SLC16A10: variants seen among roughly 807,000 people sequenced by gnomAD.
SLC16A10 encodes the protein monocarboxylate transporter 10.
SLC16A10 carries 27 observed loss-of-function variants against 40.0 expected under a neutral mutation model. The ratio of observed to expected loss-of-function variants is 0.67; its 90% CI spans 0.50 to 0.93. The LOEUF (loss-of-function observed/expected upper bound fraction) is 0.93, where lower values mean the gene tolerates loss of function less well. Among genes scored for constraint, SLC16A10 ranks in the 40% least tolerant of loss-of-function variants. SLC16A10 has a pLI of 0.00. For synonymous variants in SLC16A10, 213 were observed against 249.8 expected (o/e 0.85, Z 1.39); for missense variants, 529 against 658.2 (o/e 0.80, Z 2.15).
intron 1 of SLC16A10, among the ~76,000 whole-genome samples, chr6:111,110,033 G>C (rs1030841208): frequency 6.6e-6 from 1 of 152,092 alleles, no homozygotes; most frequent in African/African-American, 2.4e-5. Context: ...ACTCTGGAGA[G>C]TTACAGGGCT....
At chr6:111,168,607 ATGT>A (rs1442948249) in intron 1 of SLC16A10, among the ~76,000 whole-genome samples, 3 of 152,180 alleles carry the variant, frequency 2.0e-5, no homozygotes, top group African/African-American at 4.8e-5. Context: ...AAAACTAGAA[ATGT>A]TGTGAGTGTG....
At chr6:111,219,150 T>A (rs990433339) in intron 5 of SLC16A10, 108 bp downstream of exon 5, 77 of 1,022,284 alleles carry the variant, frequency 7.5e-5, no homozygotes, top group Middle Eastern at 2.1e-4. Flanking sequence ...TATTGATTAC[T>A]GGTCTTTTGC....
chr6:111,132,486 T>A (rs1357437807), intron 1 of SLC16A10, among the ~76,000 whole-genome samples: 1 of 152,218 alleles, frequency 6.6e-6, no homozygotes, highest in Non-Finnish European at 1.5e-5. Flanking sequence ...AACACGTGGA[T>A]GGGCCAAAGG....
chr6:111,196,350 AT>A (rs1304465265), intron 3 of SLC16A10, among the ~76,000 whole-genome samples: 1 of 152,112 alleles, frequency 6.6e-6, no homozygotes, highest in Non-Finnish European at 1.5e-5. Flanking sequence ...AAAAATAAAA[AT>A]AAAAATAAAT....
At chr6:111,131,785 G>A (rs576860893) in intron 1 of SLC16A10, among the ~76,000 whole-genome samples, 2 of 152,162 alleles carry the variant, frequency 1.3e-5, no homozygotes, top group Admixed American at 1.3e-4. Flanking sequence ...TGAACTCCTG[G>A]TGTTAGCTGG....
At chr6:111,182,628 C>A (rs1330395401) in intron 3 of SLC16A10, among the ~76,000 whole-genome samples, 1 of 152,112 alleles carries the variant, frequency 6.6e-6, no homozygotes, top group Admixed American at 6.6e-5. Flanking sequence ...AGCTGTATAT[C>A]CAGCTGCTTA....
intron 3 of SLC16A10, among the ~76,000 whole-genome samples, chr6:111,182,325 T>C (rs1259257617): frequency 7.0e-6 from 1 of 143,148 alleles, no homozygotes; most frequent in African/African-American, 2.6e-5. Flanking sequence ...TTTTTTTTTT[T>C]TTTTTTTCCT....
chr6:111,122,601 ACTT>A (rs1262046003), intron 1 of SLC16A10, among the ~76,000 whole-genome samples: 2 of 152,088 alleles, frequency 1.3e-5, no homozygotes, highest in Non-Finnish European at 2.9e-5. Context: ...GGCTCTTGTT[ACTT>A]CTTGTTCTTA....
intron 4 of SLC16A10, among the ~76,000 whole-genome samples, chr6:111,207,231 T>A (rs1773270615): frequency 6.6e-6 from 1 of 152,228 alleles, no homozygotes; most frequent in Non-Finnish European, 1.5e-5. Flanking sequence ...ATTTCTTTGT[T>A]TTGTCGTGGA....
At position 111,116,830 on chromosome 6, in the gene SLC16A10, CT is replaced by C. The variant is rs145963119; in HGVS notation, c.343+28739del. On this transcript the variant is annotated intron_variant, in intron 1 of 5. Transcript: ENST00000368851. ...CTTAATTCGTTGTGGGCAGCCAGAT[CT>C]TTTAAAGGTAAATTTGAATTTCTCT... is the stretch of plus-strand genomic sequence containing the variant. 9.3e-3 allele frequency among the ~76,000 whole-genome samples: 1,415 copies of C among 152,254 alleles called. 22 individuals are homozygous for C. Among genetic ancestry groups the C allele is most frequent in the African/African-American group, 0.033 (1,350 of 41,538 alleles).
intron 3 of SLC16A10, among the ~76,000 whole-genome samples, chr6:111,188,751 AT>A (rs1425205144): frequency 6.6e-6 from 1 of 152,104 alleles, no homozygotes; most frequent in Non-Finnish European, 1.5e-5. Context: ...TCCTTTATTC[AT>A]TCATTCATTC....
At chr6:111,132,387 TTTA>T (rs1326719930) in intron 1 of SLC16A10, among the ~76,000 whole-genome samples, 1 of 152,228 alleles carries the variant, frequency 6.6e-6, no homozygotes. Context: ...CCAATACCAC[TTTA>T]TTGTCAGTGT....
intron 1 of SLC16A10, among the ~76,000 whole-genome samples, chr6:111,134,252 A>G (rs549980725): frequency 6.6e-5 from 10 of 152,332 alleles, no homozygotes; most frequent in South Asian, 4.1e-4. Context: ...AAGGAAAACT[A>G]GGAAGAAGCC....
chr6:111,185,098 A>G (rs978029264), intron 3 of SLC16A10, among the ~76,000 whole-genome samples: 7 of 152,210 alleles, frequency 4.6e-5, no homozygotes, highest in Non-Finnish European at 8.8e-5. Context: ...ATTATGTGTC[A>G]AGCACTTCCC....
At chr6:111,169,837 A>G (rs547009780) in intron 1 of SLC16A10, among the ~76,000 whole-genome samples, 197 of 152,248 alleles carry the variant, frequency 1.3e-3, no homozygotes, top group African/African-American at 4.6e-3. Context: ...TGTAATTTTT[A>G]ATATTTGGTA....
chr6:111,177,121 CA>C, intron 2 of SLC16A10, 90 bp from the exon 3 acceptor site: 1 of 861,150 alleles, frequency 1.2e-6, no homozygotes, highest in Non-Finnish European at 1.6e-6. Context: ...TGTTGATGAA[CA>C]AAAACCCACT....
intron 1 of SLC16A10, among the ~76,000 whole-genome samples, chr6:111,088,470 T>C (rs1484061368): frequency 2.0e-5 from 3 of 152,206 alleles, no homozygotes; most frequent in African/African-American, 7.2e-5. Context: ...GTCATTTTTG[T>C]GGTCTCTTTC....
At chr6:111,156,444 G>A (rs1216344612) in intron 1 of SLC16A10, among the ~76,000 whole-genome samples, 1 of 152,220 alleles carries the variant, frequency 6.6e-6, no homozygotes, top group Non-Finnish European at 1.5e-5. Context: ...ACTGCACTGT[G>A]TTTCCTTGAT....
At chr6:111,138,040 T>A (rs1771913996) in intron 1 of SLC16A10, among the ~76,000 whole-genome samples, 1 of 152,226 alleles carries the variant, frequency 6.6e-6, no homozygotes, top group Non-Finnish European at 1.5e-5. Flanking sequence ...GTATGGGAGC[T>A]CTGTTTTCAC....
Sources: gnomAD v4.1 joint callset for allele counts (sites outside exome capture counted in the v4.1 genomes callset) on GRCh38, gnomAD v4.1.1 for gene constraint, MANE v1.5 for transcripts, NCBI Gene and HGNC (gene_info 2026-07-23, HGNC 2026-07-21) for gene names.